ANK2: variants seen among roughly 807,000 people sequenced by gnomAD.
ANK2 encodes ankyrin-2.
A neutral mutation model predicts 360.5 loss-of-function variants in ANK2; 83 were observed. The ratio of observed to expected loss-of-function variants is 0.23; its 90% confidence interval spans 0.19 to 0.28. ANK2 has a LOEUF of 0.28. Ranked by LOEUF, ANK2 falls within the 10% of genes least tolerant of loss-of-function variation. The probability of loss-of-function intolerance (pLI) is 1.00; values close to 1 mark genes in which losing one functional copy is unlikely to be tolerated. For synonymous variants in ANK2, 1,740 were observed against 1,759.5 expected, an observed-to-expected ratio of 0.99 and a Z score of 0.28; for missense variants, 4,201 against 4,795.7, an observed-to-expected ratio of 0.88 and a Z score of 3.66.
chr4:112,824,184 C>T (rs201885625), intron 1 of ANK2, among the ~76,000 whole-genome samples: 4 of 123,186 alleles, frequency 3.2e-5, no homozygotes, highest in East Asian at 3.0e-4. Flanking sequence ...TCTATCTATC[C>T]GTCTATCTAG....
At chr4:113,320,852 C>T (rs2085814763) in intron 26 of ANK2, among the ~76,000 whole-genome samples, 2 of 152,250 alleles carry the variant, frequency 1.3e-5, no homozygotes, top group South Asian at 4.1e-4. Flanking sequence ...ACCTAGTTCT[C>T]TCAAATGTTC....
intron 1 of ANK2, among the ~76,000 whole-genome samples, chr4:112,842,625 G>A (rs191979606): frequency 1.3e-5 from 2 of 152,258 alleles, no homozygotes; most frequent in East Asian, 1.9e-4. Context: ...AATAGGGTTC[G>A]TGCTCCTATG....
chr4:113,373,483 T>C (rs769996016), intron 45 of ANK2, 34 bp downstream of exon 45: 16 of 1,607,748 alleles, frequency 1.0e-5, no homozygotes, highest in Non-Finnish European at 1.4e-5. Context: ...ACCCATTTGA[T>C]GGAGAGGAAC....
chr4:112,794,887 C>T, the ANK2 span, among the ~76,000 whole-genome samples: 4 of 152,038 alleles, frequency 2.6e-5, no homozygotes, highest in African/African-American at 7.2e-5. Flanking sequence ...CAACTGTGAG[C>T]GTAATAGAAT....
chr4:112,710,994 T>C, the ANK2 span, among the ~76,000 whole-genome samples: 2 of 150,496 alleles, frequency 1.3e-5, no homozygotes, highest in Non-Finnish European at 3.0e-5. Flanking sequence ...TTTACTATGT[T>C]GTCCAGGCTG....
chr4:112,757,079 A>G, the ANK2 span, among the ~76,000 whole-genome samples: 1 of 148,768 alleles, frequency 6.7e-6, no homozygotes, highest in African/African-American at 2.5e-5. Flanking sequence ...AAATTATATC[A>G]TTTCTCTCAA....
chr4:113,042,012 TG>T (rs2063081822), intron 2 of ANK2, among the ~76,000 whole-genome samples: 2 of 152,176 alleles, frequency 1.3e-5, no homozygotes, highest in Non-Finnish European at 1.5e-5. Context: ...CCCAGATAGC[TG>T]GTAAAACATG....
chr4:112,957,648 C>T (rs1176737982), intron 2 of ANK2, among the ~76,000 whole-genome samples: 7 of 147,112 alleles, frequency 4.8e-5, no homozygotes, highest in African/African-American at 1.5e-4. Context: ...GGGGGGCTGA[C>T]CCCCCCACCT....
At chr4:112,939,081 T>G (rs983843029) in intron 2 of ANK2, among the ~76,000 whole-genome samples, 77 of 152,356 alleles carry the variant, frequency 5.1e-4, no homozygotes, top group African/African-American at 1.7e-3. Context: ...TATAGTTTTG[T>G]ACCCTAGCTA....
chr4:113,356,446 G>A lies in ANK2; in HGVS notation c.7828G>A (p.Asp2610Asn), dbSNP rs767768290. 45 of 1,614,042 alleles carry A rather than the reference G, an allele frequency of 2.8e-5. 1 individual carries two copies. In the South Asian group the frequency reaches 4.4e-4, roughly 16 times the overall value. Residue 2610 changes from aspartate to asparagine, a missense_variant, in exon 38 of 46, where the codon GAC (aspartate) becomes AAC (asparagine). Transcript: ENST00000357077. Reference sequence around the variant, plus strand: ...TGAACAAGAAGCAAAGCAGAAAAGGGACTACAAAAAAGAACCCAAACAAGA... The same window carrying A: ...TGAACAAGAAGCAAAGCAGAAAAGGAACTACAAAAAAGAACCCAAACAAGA... ...ELEQEAKQKR[D>N]YKKEPKQEES... is the part of the protein sequence containing the mutation.
At position 113,357,015 on chromosome 4, in the gene ANK2, T is replaced by A. The variant is rs779002619; in HGVS notation, c.8397T>A (p.Asp2799Glu). Residue 2799 changes from aspartate to glutamate, a missense_variant, in exon 38 of 46, where the codon GAT becomes GAA. Asp to Glu is a conservative substitution (Grantham distance 45). This residue lies in a region of ANK2 where 2,642 missense variants were observed against 2,714.5 expected (regional missense o/e 0.97). Transcript: ENST00000357077. The stretch of plus-strand genomic sequence containing the variant: ...CAGGTCTACAGAGTCCGACTGGTGA[T>A]GATGTTGATGAACAGCCAGTCATCT... ...VSSGLQSPTG[D>E]DVDEQPVIYK... 1 of 1,613,954 alleles carries A rather than the reference T, an allele frequency of 6.2e-7. No individual in the cohort carries two copies. The highest frequency in any genetic ancestry group is 1.3e-5 in the African/African-American group (1 of 74,914).
At chr4:113,336,191 G>A (rs2093504814) in intron 30 of ANK2, 134 bp downstream of exon 30, 2 of 964,528 alleles carry the variant, frequency 2.1e-6, no homozygotes, top group Admixed American at 2.4e-5. Flanking sequence ...TAAAGCTAAA[G>A]TCAAAATCCA....
rs370865498 is a variant in ANK2 at position 113,354,378 on chromosome 4, G to A, written c.5760G>A (p.Gly1920=). ...TDKRPPVSPS[G]RTEKHPPVSP... is the part of the protein sequence containing the mutation. ...AACGTCCACCTGTATCGCCCTCCGG[G>A]AGGACAGAAAAACACCCGCCAGTAT... Residue 1920 remains glycine (G), a synonymous_variant, in exon 38 of 46, where the codon GGG becomes GGA. Transcript: ENST00000357077. 4.5e-5 allele frequency: 73 copies of A among 1,613,812 alleles called. No individual in the cohort carries two copies. The highest frequency in any genetic ancestry group is 6.1e-5 in the Non-Finnish European group (72 of 1,179,942).
At chr4:112,745,376 A>G in the ANK2 span, among the ~76,000 whole-genome samples, 18 of 152,320 alleles carry the variant, frequency 1.2e-4, no homozygotes, top group African/African-American at 4.3e-4. Flanking sequence ...GCAATGCGTA[A>G]TAATCACATC....
intron 2 of ANK2, among the ~76,000 whole-genome samples, chr4:112,973,340 C>T (rs1159363311): frequency 6.6e-6 from 1 of 152,122 alleles, no homozygotes; most frequent in Non-Finnish European, 1.5e-5. Context: ...GCATTTTTAT[C>T]ACTCTTTATA....
chr4:113,050,340 T>C (rs2066389109), intron 1 of ANK2, among the ~76,000 whole-genome samples: 1 of 152,180 alleles, frequency 6.6e-6, no homozygotes, highest in African/African-American at 2.4e-5. Context: ...TTTCTTTGGC[T>C]TGCTTAGCTC....
chr4:112,744,841 TC>T, the ANK2 span, among the ~76,000 whole-genome samples: 1 of 152,224 alleles, frequency 6.6e-6, no homozygotes, highest in East Asian at 1.9e-4. Flanking sequence ...CCCAATATAA[TC>T]GTCAAAAAGC....
At chr4:112,810,182 T>TTTTTTTTTTTG in the ANK2 span, among the ~76,000 whole-genome samples, 1 of 111,786 alleles carries the variant, frequency 8.9e-6, no homozygotes, top group African/African-American at 3.3e-5. Context: ...TTTTTTTTTT[T>TTTTTTTTTTTG]GTAGCAATGG....
chr4:113,323,858 C>T (rs2153884755), intron 26 of ANK2: 1 of 1,493,022 alleles, frequency 6.7e-7, no homozygotes, highest in Non-Finnish European at 9.2e-7. Flanking sequence ...TTCGCCATCT[C>T]CTTCTGCATA....
Sources: allele counts gnomAD v4.1 joint callset (sites outside exome capture counted in the v4.1 genomes callset), GRCh38; gene constraint gnomAD v4.1.1; regional missense constraint gnomAD v4.1.1; transcripts MANE v1.5; gene names NCBI Gene and HGNC (gene_info 2026-07-23, HGNC 2026-07-21).